Variants in ATG7 observed in about 807,000 individuals in gnomAD.
ATG7 encodes the protein autophagy related 7, also known as ubiquitin-like modifier-activating enzyme ATG7.
Under a neutral mutation model 82.4 loss-of-function variants are expected in ATG7, and 70 were observed. The observed-to-expected ratio is 0.85, with a 90% CI of 0.70 to 1.04. ATG7 has a LOEUF of 1.04. Ranked by LOEUF, ATG7 falls within the 50% of genes least tolerant of loss-of-function variation. The pLI, the probability that ATG7 is intolerant of heterozygous loss-of-function variation, is 0.00. For synonymous variants in ATG7, 287 were observed against 313.0 expected (o/e 0.92, Z 0.88); for missense variants, 792 against 864.3 (o/e 0.92, Z 1.05).
At chr3:11,453,914 G>C (rs543088326) in intron 20 of ATG7, among the ~76,000 whole-genome samples, 12 of 152,310 alleles carry the variant, frequency 7.9e-5, no homozygotes, top group African/African-American at 2.9e-4. Context: ...TCTGGATACC[G>C]TAGTTGTTAC....
At chr3:11,480,703 A>G (rs1318367069) in intron 20 of ATG7, among the ~76,000 whole-genome samples, 1 of 152,220 alleles carries the variant, frequency 6.6e-6, no homozygotes, top group Non-Finnish European at 1.5e-5. Flanking sequence ...AGCTTTGCTC[A>G]CAAGGACTTG....
intron 20 of ATG7, among the ~76,000 whole-genome samples, chr3:11,510,764 T>A (rs891198594): frequency 3.9e-5 from 6 of 152,218 alleles, no homozygotes; most frequent in Admixed American, 2.0e-4. Context: ...GCAGTCAGAC[T>A]TCCAGGCTTG....
chr3:11,359,720 A>G (rs1433016341), intron 15 of ATG7, among the ~76,000 whole-genome samples: 1 of 147,214 alleles, frequency 6.8e-6, no homozygotes, highest in Non-Finnish European at 1.5e-5. Flanking sequence ...GAAACAAAAA[A>G]ACAAAAAAAA....
At position 11,451,785 on chromosome 3, in the gene ATG7, C is replaced by CAAA. The variant is rs376573903; in HGVS notation, c.2079+24871_2079+24873dup. ...ACGTGTATATATATGTTTATAGTCT[C>CAAA]AAAAAAAAAAAAAACAAATTAAAAA... On this transcript the variant is annotated intron_variant, in intron 20 of 20. Coordinates refer to ENST00000693202, the MANE Select transcript of ATG7 (RefSeq NM_001349232.2). Among the ~76,000 whole-genome samples, 193 of 129,576 alleles carry CAAA rather than the reference C, an allele frequency of 1.5e-3. 3 individuals are homozygous for CAAA. Among genetic ancestry groups the CAAA allele is most frequent in the Non-Finnish European group, 2.8e-3 (177 of 62,590 alleles). The allele number at this position is 129,576 out of a possible 152,430, so 85.0% of individuals were successfully genotyped here. A position where few individuals can be genotyped will look rare whatever the true frequency, so the allele number is the denominator to read the frequency against.
intron 19 of ATG7, among the ~76,000 whole-genome samples, chr3:11,397,182 TA>T (rs1017284361): frequency 6.6e-5 from 10 of 152,160 alleles, no homozygotes; most frequent in African/African-American, 2.2e-4. Context: ...CAATATATCT[TA>T]AACTTACAGA....
the ATG7 span, among the ~76,000 whole-genome samples, chr3:11,562,829 C>T: frequency 1.4e-4 from 22 of 152,248 alleles, no homozygotes; most frequent in Admixed American, 1.4e-3. Context: ...TGGCCCCTGG[C>T]TTTGTCCTCA....
intron 14 of ATG7, among the ~76,000 whole-genome samples, chr3:11,356,958 CTT>C (rs2075977070): frequency 2.0e-5 from 3 of 152,128 alleles, no homozygotes; most frequent in Admixed American, 1.3e-4. Context: ...GCTTGCCACT[CTT>C]TTTTACATTC....
At chr3:11,400,782 T>C (rs2079764109) in intron 19 of ATG7, among the ~76,000 whole-genome samples, 1 of 152,194 alleles carries the variant, frequency 6.6e-6, no homozygotes, top group Non-Finnish European at 1.5e-5. Context: ...TCTTATATAA[T>C]TCTCAACTTC....
the ATG7 span, among the ~76,000 whole-genome samples, chr3:11,568,068 C>A: frequency 6.6e-6 from 1 of 152,214 alleles, no homozygotes; most frequent in African/African-American, 2.4e-5. The surrounding 1 kb of genome is among the most constrained non-coding windows in gnomAD (Gnocchi z 5.9). Flanking sequence ...CATGGGCTTA[C>A]AATCTAGCAG....
chr3:11,410,582 A>G (rs760002503), intron 19 of ATG7, among the ~76,000 whole-genome samples: 7 of 152,152 alleles, frequency 4.6e-5, no homozygotes, highest in Non-Finnish European at 8.8e-5. Context: ...CCATCAAACA[A>G]TAACTCCCCA....
chr3:11,279,938 G>GTT (rs34457373), intron 1 of ATG7, among the ~76,000 whole-genome samples: 3 of 143,576 alleles, frequency 2.1e-5, no homozygotes, highest in Non-Finnish European at 4.6e-5. Flanking sequence ...GGGGACCATA[G>GTT]TTTTTTTTTT....
intron 20 of ATG7, among the ~76,000 whole-genome samples, chr3:11,493,549 C>T (rs2090573634): frequency 6.6e-6 from 1 of 152,186 alleles, no homozygotes; most frequent in South Asian, 2.1e-4. Context: ...CACTGGGGAC[C>T]TGCCCCTGTC....
At chr3:11,421,726 G>A (rs1387475645) in intron 19 of ATG7, among the ~76,000 whole-genome samples, 1 of 152,108 alleles carries the variant, frequency 6.6e-6, no homozygotes, top group African/African-American at 2.4e-5. Context: ...GCTTTGATCA[G>A]ATCCATCAGA....
At chr3:11,312,876 C>G (rs1948876460) in intron 7 of ATG7, among the ~76,000 whole-genome samples, 1 of 152,200 alleles carries the variant, frequency 6.6e-6, no homozygotes, top group African/African-American at 2.4e-5. Flanking sequence ...AAGCAGAGTT[C>G]TGATCTCTTC....
At chr3:11,475,521 C>T (rs1015964532) in intron 20 of ATG7, among the ~76,000 whole-genome samples, 1 of 152,128 alleles carries the variant, frequency 6.6e-6, no homozygotes, top group Non-Finnish European at 1.5e-5. Context: ...GCACACATCC[C>T]AGGGCGGCCT....
chr3:11,414,646 T>G (rs772576254), intron 19 of ATG7, among the ~76,000 whole-genome samples: 39 of 152,336 alleles, frequency 2.6e-4, no homozygotes, highest in African/African-American at 5.1e-4. Flanking sequence ...CTTGCCTTCA[T>G]GGAGAAACTT....
chr3:11,509,267 G>C (rs1032029195), intron 20 of ATG7, among the ~76,000 whole-genome samples: 2 of 151,406 alleles, frequency 1.3e-5, no homozygotes, highest in South Asian at 2.1e-4. Context: ...GGCTGCTGCC[G>C]GCAGGAGGGA....
intron 9 of ATG7, among the ~76,000 whole-genome samples, chr3:11,320,287 CT>C (rs977502907): frequency 6.6e-6 from 1 of 150,716 alleles, no homozygotes; most frequent in African/African-American, 2.5e-5. Flanking sequence ...TGCATCCCTT[CT>C]TCTTTTTTTT....
chr3:11,351,024 G>C (rs1164636337), intron 14 of ATG7, among the ~76,000 whole-genome samples: 1 of 150,846 alleles, frequency 6.6e-6, no homozygotes, highest in Non-Finnish European at 1.5e-5. Flanking sequence ...TTGAACCTGA[G>C]CTCTGTCACT....
Sources: gnomAD v4.1 joint callset for allele counts (sites outside exome capture counted in the v4.1 genomes callset) on GRCh38, gnomAD v4.1.1 for gene constraint, Gnocchi (gnomAD v3.1) non-coding constraint, MANE v1.5 for transcripts, NCBI Gene and HGNC (gene_info 2026-07-23, HGNC 2026-07-21) for gene names.